The following PLCB4 variants were observed in gnomAD, a reference collection of about 807,000 sequenced individuals.
The protein encoded by PLCB4 is 1-phosphatidylinositol 4,5-bisphosphate phosphodiesterase beta-4.
In PLCB4, 77 loss-of-function variants were observed where a neutral mutation model predicts 178.8. That is an observed-to-expected ratio of 0.43 (90% confidence interval 0.36 to 0.52). The LOEUF is 0.52. Ranked by LOEUF, PLCB4 falls within the 20% of genes least tolerant of loss-of-function variation. PLCB4 has a pLI of 0.00. For missense variants in PLCB4, 1,024 were observed against 1,453.4 expected, an observed-to-expected ratio of 0.70 and a Z score of 4.80; for synonymous variants, 496 against 490.8, an observed-to-expected ratio of 1.01 and a Z score of -0.14.
rs1209889111 is a variant in PLCB4, at chr20:9,473,380, A to G, written c.3495+15A>G. 2.7e-6 allele frequency: 4 copies of G among 1,486,198 alleles called. No individual in the cohort carries two copies. Among genetic ancestry groups the G allele is most frequent in the Non-Finnish European group, 3.7e-6 (4 of 1,071,956 alleles). The allele number at this position is 1,486,198 out of a possible 1,614,324, so 92.1% of individuals were successfully genotyped here. On this transcript the variant is annotated intron_variant, in intron 38 of 39. Transcript: ENST00000378473. Reference sequence around the variant, plus strand: ...AGAATGAGCAGGTATTTTACCTAAAATACGTAAAAACATGCAGGCAGCTAG... The same window carrying G: ...AGAATGAGCAGGTATTTTACCTAAAGTACGTAAAAACATGCAGGCAGCTAG...
chr20:9,296,845 CAG>C (rs1309666976), intron 3 of PLCB4, among the ~76,000 whole-genome samples: 1 of 151,672 alleles, frequency 6.6e-6, no homozygotes, highest in Non-Finnish European at 1.5e-5. Context: ...ACATCACACA[CAG>C]GGGCCTGTTG....
At chr20:9,112,854 T>C (rs1166805917) in intron 2 of PLCB4, among the ~76,000 whole-genome samples, 2 of 145,460 alleles carry the variant, frequency 1.4e-5, no homozygotes, top group Non-Finnish European at 1.5e-5. Flanking sequence ...GCAAAAGCTG[T>C]CTCTATAATT....
intron 3 of PLCB4, among the ~76,000 whole-genome samples, chr20:9,223,426 G>C (rs2093823874): frequency 6.6e-6 from 1 of 152,210 alleles, no homozygotes; most frequent in African/African-American, 2.4e-5. Flanking sequence ...TTACCTCTCA[G>C]TTTTTCTGTG....
rs145484280 is a variant in PLCB4, at chr20:9,461,964, C to T, written c.3248+2154C>T. On this transcript the variant is annotated intron_variant, in intron 35 of 39. Coordinates refer to ENST00000378473, the MANE Select transcript of PLCB4 (RefSeq NM_001377142.1). ...GACAGACTGCCTCCTCAAGTGGGTC[C>T]CTGACCCCCATGTAGCCTAACTGGG... Among the ~76,000 whole-genome samples the T allele has an allele frequency of 9.0e-3, 1,366 of 152,218 alleles. 25 individuals carry two copies. The highest frequency in any genetic ancestry group is 0.031 in the African/African-American group (1,305 of 41,526).
chr20:9,240,443 T>G (rs931133517), intron 3 of PLCB4, among the ~76,000 whole-genome samples: 1 of 152,196 alleles, frequency 6.6e-6, no homozygotes, highest in African/African-American at 2.4e-5. Flanking sequence ...CTGCTCACCT[T>G]CTGCCCAGTT....
chr20:9,297,352 C>T (rs2094650229), intron 3 of PLCB4, among the ~76,000 whole-genome samples: 1 of 151,818 alleles, frequency 6.6e-6, no homozygotes, highest in African/African-American at 2.4e-5. Flanking sequence ...ATATGGTGGA[C>T]TCTGGGGACT....
At chr20:9,098,858 T>C (rs986074282) in intron 2 of PLCB4, among the ~76,000 whole-genome samples, 16 of 149,572 alleles carry the variant, frequency 1.1e-4, no homozygotes, top group African/African-American at 3.2e-4. Flanking sequence ...CCTCCTGGGC[T>C]CTGTCACCCA....
intron 2 of PLCB4, among the ~76,000 whole-genome samples, chr20:9,178,921 G>A (rs992630912): frequency 2.6e-5 from 4 of 151,880 alleles, no homozygotes; most frequent in Admixed American, 2.6e-4. Flanking sequence ...AATAATTTTG[G>A]TGTTTACATT....
At chr20:9,105,545 A>T (rs1368139638) in intron 2 of PLCB4, among the ~76,000 whole-genome samples, 1 of 152,112 alleles carries the variant, frequency 6.6e-6, no homozygotes, top group African/African-American at 2.4e-5. Context: ...TATGAGGGGC[A>T]CTTGGCATCT....
intron 20 of PLCB4, among the ~76,000 whole-genome samples, chr20:9,402,068 T>G (rs1361554306): frequency 3.2e-4 from 49 of 152,244 alleles, no homozygotes; most frequent in Non-Finnish European, 6.3e-4. Context: ...TTACCTTTTG[T>G]CAGGCATAGT....
chr20:9,130,396 T>C (rs191614646), intron 2 of PLCB4, among the ~76,000 whole-genome samples: 398 of 152,314 alleles, frequency 2.6e-3, no homozygotes, highest in African/African-American at 9.0e-3. Flanking sequence ...CATGCATACT[T>C]CAAAAGTCTG....
chr20:9,404,360 C>G (rs2039275057), intron 20 of PLCB4, among the ~76,000 whole-genome samples: 1 of 152,050 alleles, frequency 6.6e-6, no homozygotes. Context: ...AGGAATATTG[C>G]CTTTACACAC....
At chr20:9,462,800 C>A (rs562011061) in intron 35 of PLCB4, among the ~76,000 whole-genome samples, 1 of 152,084 alleles carries the variant, frequency 6.6e-6, no homozygotes, top group East Asian at 1.9e-4. Context: ...ATTGGTGTAC[C>A]CAAAAGTGAT....
At chr20:9,477,287 A>G (rs2044609445) in intron 39 of PLCB4, among the ~76,000 whole-genome samples, 1 of 152,188 alleles carries the variant, frequency 6.6e-6, no homozygotes, top group Admixed American at 6.6e-5. Context: ...TATTGTCCAT[A>G]CCAGGATAGT....
Position 9,444,007 on chromosome 20 carries a change from A to T in PLCB4, c.2791A>T (p.Ile931Leu). The T allele has an allele frequency of 1.2e-6, 2 of 1,602,764 alleles. No homozygotes were observed. The highest frequency in any genetic ancestry group is 2.2e-5 in the South Asian group (2 of 89,684). The change falls in exon 31 of 40, where the codon ATA (isoleucine) becomes TTA (leucine). Residue 931 changes from isoleucine (I) to leucine (L), a missense_variant. Physicochemically the swap from Ile to Leu is conservative, Grantham distance 5. Coordinates refer to ENST00000378473, the MANE Select transcript of PLCB4 (RefSeq NM_001377142.1). ...TATTGAACTTATCCCTCAAGTAAGG[A>T]TAGAAGACTTAAAGCAGATGAAGGT... ...KGIELIPQVR[I>L]EDLKQMKAYL...
intron 3 of PLCB4, among the ~76,000 whole-genome samples, chr20:9,289,455 T>C (rs981630687): frequency 6.6e-6 from 1 of 152,240 alleles, no homozygotes; most frequent in Admixed American, 6.5e-5. Flanking sequence ...CGGGTTTTTT[T>C]TGGATAATAT....
chr20:9,198,897 T>C (rs2093506080), intron 2 of PLCB4, among the ~76,000 whole-genome samples: 1 of 152,206 alleles, frequency 6.6e-6, no homozygotes, highest in Non-Finnish European at 1.5e-5. Flanking sequence ...TATTCTCTTT[T>C]TTAAAGGCCA....
chr20:9,175,145 C>A (rs1478354744), intron 2 of PLCB4, among the ~76,000 whole-genome samples: 1 of 152,146 alleles, frequency 6.6e-6, no homozygotes, highest in Non-Finnish European at 1.5e-5. Flanking sequence ...CGTTGTCAGA[C>A]CCCACCCCAG....
chr20:9,325,879 C>G (rs563091188), intron 4 of PLCB4, among the ~76,000 whole-genome samples: 2 of 152,170 alleles, frequency 1.3e-5, no homozygotes, highest in South Asian at 2.1e-4. Flanking sequence ...ACCATACACT[C>G]GGCAGCTATA....
Sources: gnomAD v4.1 joint callset for allele counts (sites outside exome capture counted in the v4.1 genomes callset) on GRCh38, gnomAD v4.1.1 for gene constraint, MANE v1.5 for transcripts, NCBI Gene and HGNC (gene_info 2026-07-23, HGNC 2026-07-21) for gene names.